The following CFAP77 variants were observed in gnomAD, a reference collection of about 807,000 sequenced individuals.
CFAP77 encodes cilia- and flagella-associated protein 77.
In CFAP77, 25 loss-of-function variants were observed where a neutral mutation model predicts 31.1. That is an observed-to-expected ratio of 0.80 (90% CI 0.59 to 1.12). The LOEUF is 1.12. Among genes scored for constraint, CFAP77 ranks in the 50% most tolerant of loss-of-function variants. The probability of loss-of-function intolerance (pLI) is 0.00; values close to 1 mark genes in which losing one functional copy is unlikely to be tolerated. For missense variants in CFAP77, 377 were observed against 397.3 expected (o/e 0.95, Z 0.44); for synonymous variants, 151 against 159.9 (o/e 0.94, Z 0.42).
At chr9:132,562,222 C>A (rs1490858036) in intron 5 of CFAP77, among the ~76,000 whole-genome samples, 3 of 152,188 alleles carry the variant, frequency 2.0e-5, no homozygotes, top group Non-Finnish European at 2.9e-5. Flanking sequence ...CCCTCCCTCA[C>A]CCCAGGTCAC....
chr9:132,541,521 TGAGAC>T (rs1252591736), intron 4 of CFAP77, among the ~76,000 whole-genome samples: 11 of 152,316 alleles, frequency 7.2e-5, no homozygotes, highest in African/African-American at 2.6e-4. Flanking sequence ...GCCAGGAATT[TGAGAC>T]CAGCCTGGCC....
intron 3 of CFAP77, among the ~76,000 whole-genome samples, chr9:132,515,422 T>C (rs903265404): frequency 6.6e-6 from 1 of 152,112 alleles, no homozygotes; most frequent in African/African-American, 2.4e-5. Flanking sequence ...CTGTGTCCCT[T>C]CCTCTGTTTA....
At chr9:132,423,371 T>C (rs1327102980) in intron 1 of CFAP77, among the ~76,000 whole-genome samples, 2 of 152,228 alleles carry the variant, frequency 1.3e-5, no homozygotes, top group Non-Finnish European at 2.9e-5. Flanking sequence ...CTCCTGGCTG[T>C]AGACCATTTG....
chr9:132,459,737 TGTGTGA>T (rs1033352850), intron 1 of CFAP77, among the ~76,000 whole-genome samples: 36 of 147,476 alleles, frequency 2.4e-4, no homozygotes, highest in African/African-American at 9.7e-4. Context: ...TGTGTATATG[TGTGTGA>T]GTGTGTGTGT....
intron 3 of CFAP77, among the ~76,000 whole-genome samples, chr9:132,507,650 G>A (rs1276134026): frequency 6.6e-6 from 1 of 152,084 alleles, no homozygotes; most frequent in African/African-American, 2.4e-5. Flanking sequence ...ATCACTCTGG[G>A]TGATTTTGTT....
At chr9:132,450,097 A>AT (rs1465385086) in intron 1 of CFAP77, among the ~76,000 whole-genome samples, 3 of 151,812 alleles carry the variant, frequency 2.0e-5, no homozygotes, top group Admixed American at 2.0e-4. Flanking sequence ...CGCCCGGCTA[A>AT]TTTTTTGTAT....
chr9:132,529,288 A>G (rs1362148167), intron 3 of CFAP77, among the ~76,000 whole-genome samples: 2 of 124,280 alleles, frequency 1.6e-5, no homozygotes, highest in Admixed American at 8.1e-5. Context: ...ATTCTCACTC[A>G]TAGGTGGGAA....
intron 3 of CFAP77, among the ~76,000 whole-genome samples, chr9:132,530,136 C>CTTTTTTTTTTTTTTTTT (rs750962954): frequency 4.7e-4 from 44 of 93,256 alleles, no homozygotes; most frequent in African/African-American, 6.3e-4. Context: ...TCTTTCTTTT[C>CTTTTTTTTTTTTTTTTT]TTTTTTTTTT....
intron 1 of CFAP77, among the ~76,000 whole-genome samples, chr9:132,441,643 A>T (rs1589852215): frequency 6.6e-6 from 1 of 152,170 alleles, no homozygotes; most frequent in Non-Finnish European, 1.5e-5. Flanking sequence ...CAATTACCTT[A>T]ATCATCCTCC....
Position 132,410,213 on chromosome 9 carries a change from C to A in CFAP77, c.-59C>A. Reference sequence around the variant, plus strand: ...GGCCCTTCGGAGCTCCAGGCTGTGCCCGACGTGGGGAAGCGCGCCCAAACC... The same window carrying A: ...GGCCCTTCGGAGCTCCAGGCTGTGCACGACGTGGGGAAGCGCGCCCAAACC... On this transcript the variant is annotated 5_prime_UTR_variant, in exon 1 of 6. Coordinates refer to ENST00000393216, the MANE Select transcript of CFAP77 (RefSeq NM_001282957.2). 1 of 1,435,108 alleles carries A rather than the reference C, an allele frequency of 7.0e-7. No individual in the cohort carries two copies. The allele number at this position is 1,435,108 out of a possible 1,614,324, so 88.9% of individuals were successfully genotyped here.
At chr9:132,525,073 G>A (rs894096529) in intron 3 of CFAP77, among the ~76,000 whole-genome samples, 3 of 145,908 alleles carry the variant, frequency 2.1e-5, no homozygotes, top group African/African-American at 7.5e-5. Flanking sequence ...AGGTTGGAGT[G>A]CAATGGCACA....
At chr9:132,431,638 A>G (rs1256932780) in intron 1 of CFAP77, among the ~76,000 whole-genome samples, 1 of 152,212 alleles carries the variant, frequency 6.6e-6, no homozygotes, top group Non-Finnish European at 1.5e-5. Flanking sequence ...TGACTCAGTG[A>G]TCCTGAATAT....
Position 132,537,791 on chromosome 9 carries a change from A to G in CFAP77, c.630+85A>G, listed in dbSNP as rs1407643388. On this transcript the variant is annotated intron_variant, in intron 4 of 5. Coordinates refer to ENST00000393216, the MANE Select transcript of CFAP77 (RefSeq NM_001282957.2). ...GGCCAGGGCCAAGCATCGAGATGAC[A>G]CTTGTGTATGTTTGTCATTGGGGAT... is the stretch of plus-strand genomic sequence containing the variant. 9 of 985,248 alleles carry G rather than the reference A, an allele frequency of 9.1e-6. No individual in the cohort carries two copies. The Admixed American group carries it at 1.8e-4, about 20-fold the overall frequency. 61.0% of individuals were successfully genotyped at this position (985,248 alleles called of 1,614,324 possible). A position where few individuals can be genotyped will look rare whatever the true frequency, so the allele number is the denominator to read the frequency against.
In CFAP77 at chr9:132,546,148, T is replaced by C. The variant is rs114076415; in HGVS notation, c.732+3101T>C. Among the ~76,000 whole-genome samples the C allele has an allele frequency of 8.9e-3, 1,357 of 151,976 alleles. 21 individuals are homozygous for C. Among genetic ancestry groups the C allele is most frequent in the African/African-American group, 0.031 (1,273 of 41,422 alleles). On this transcript the variant is annotated intron_variant, in intron 5 of 5. Coordinates refer to ENST00000393216, the MANE Select transcript of CFAP77 (RefSeq NM_001282957.2). ...ACTGAACCGCCAGTACAGCCCAGAG[T>C]GACAGAAGAATTTAAAAGTCTGTTA...
chr9:132,540,395 G>GTC (rs1253316638), intron 4 of CFAP77, among the ~76,000 whole-genome samples: 1 of 152,184 alleles, frequency 6.6e-6, no homozygotes, highest in African/African-American at 2.4e-5. Flanking sequence ...GGCTGAGTGA[G>GTC]TCTCTCTTTG....
intron 3 of CFAP77, among the ~76,000 whole-genome samples, chr9:132,519,595 G>A: frequency 6.8e-6 from 1 of 146,060 alleles, no homozygotes; most frequent in African/African-American, 2.6e-5. Flanking sequence ...TGGATGGATG[G>A]ATGGATGGAT....
At chr9:132,430,859 G>A (rs187452108) in intron 1 of CFAP77, among the ~76,000 whole-genome samples, 14 of 152,166 alleles carry the variant, frequency 9.2e-5, no homozygotes, top group Admixed American at 6.5e-4. Flanking sequence ...CAGATGCAGC[G>A]GGCAGATGAG....
chr9:132,513,586 C>T (rs1433733043), intron 3 of CFAP77, among the ~76,000 whole-genome samples: 1 of 152,216 alleles, frequency 6.6e-6, no homozygotes, highest in East Asian at 1.9e-4. Context: ...TCACTCTGCA[C>T]ATGACTCGCT....
Position 132,439,848 on chromosome 9 carries a change from C to T in CFAP77, c.195+29382C>T, listed in dbSNP as rs1402323651. Among the ~76,000 whole-genome samples the T allele has an allele frequency of 2.0e-4, 9 of 44,638 alleles. 1 individual carries two copies. The South Asian group carries it at 6.9e-3, about 34-fold the overall frequency. 29.3% of individuals were successfully genotyped at this position (44,638 alleles called of 152,430 possible). ...TGGGAGACAGAGCGAGACTCCGTCT[C>T]AAAAAAAAAAAAAAAAAAAAAAGAT... is the stretch of plus-strand genomic sequence containing the variant. On this transcript the variant is annotated intron_variant, in intron 1 of 5. Transcript: ENST00000393216.
Sources: allele counts gnomAD v4.1 joint callset (sites outside exome capture counted in the v4.1 genomes callset), GRCh38; gene constraint gnomAD v4.1.1; transcripts MANE v1.5; gene names NCBI Gene and HGNC (gene_info 2026-07-23, HGNC 2026-07-21).